YIF1B: variants seen among roughly 807,000 people sequenced by gnomAD.
YIF1B encodes the protein protein YIF1B.
In YIF1B, 24 loss-of-function variants were observed where a neutral mutation model predicts 34.6. The ratio of observed to expected loss-of-function variants is 0.69; its 90% CI spans 0.50 to 0.98. The LOEUF is 0.98. Among genes scored for constraint, YIF1B ranks in the 50% least tolerant of loss-of-function variants. The pLI is 0.00. For missense variants in YIF1B, 368 were observed against 429.4 expected (o/e 0.86, Z 1.26); for synonymous variants, 186 against 184.8 (o/e 1.01, Z -0.05).
At chr19:38,321,417 G>T (rs982028567), upstream of YIF1B, among the ~76,000 whole-genome samples, 2 of 152,156 alleles carry the variant, frequency 1.3e-5, no homozygotes, top group Non-Finnish European at 2.9e-5. Context: ...TCCCAATAGG[G>T]ACACCACCTG....
chr19:38,306,974 C>A (rs1774533829), intron 7 of YIF1B: 2 of 472,008 alleles, frequency 4.2e-6, no homozygotes, highest in African/African-American at 2.0e-5. Flanking sequence ...AGCCACCGCG[C>A]CCGGCAAAAG....
Position 38,309,644 on chromosome 19 carries a change from C to A in YIF1B, c.59-1G>T. The A allele has an allele frequency of 6.3e-7, 1 of 1,596,882 alleles. No individual in the cohort carries two copies. The highest frequency in any genetic ancestry group is 2.3e-5 in the East Asian group (1 of 44,406). ...GACACAGGGATCCTCCGCTTCGAGGCTGCAAGGGAAGAGAGTGAGAAGGAG... is the reference window on the plus strand; with the variant it reads ...GACACAGGGATCCTCCGCTTCGAGGATGCAAGGGAAGAGAGTGAGAAGGAG... On this transcript the variant is annotated splice_acceptor_variant, in intron 1 of 7. Coordinates refer to ENST00000339413, the MANE Select transcript of YIF1B (RefSeq NM_001039672.3). LOFTEE classifies it high-confidence loss of function.
rs1379946379 is a variant in YIF1B, at chr19:38,305,752, T to C, written c.790-245A>G. On this transcript the variant is annotated intron_variant, in intron 7 of 7. Transcript: ENST00000339413. ...AATCTGAGAAGGTTCCATACTCAAATGCCAGGCAAGGTCTTGGAGCGGGTG... is the reference window on the plus strand; with the variant it reads ...AATCTGAGAAGGTTCCATACTCAAACGCCAGGCAAGGTCTTGGAGCGGGTG... Among the ~76,000 whole-genome samples, 8 of 152,184 alleles carry C rather than the reference T, an allele frequency of 5.3e-5. No individual in the cohort carries two copies. In the South Asian group the frequency reaches 6.2e-4, roughly 12 times the overall value.
At position 38,304,911 on chromosome 19, in the gene YIF1B, AAGAAGG is replaced by A. The variant is rs760138019; in HGVS notation, c.*435_*440del. ...CAAGGCCAAGAAGCCCAAAGTGAAG[AAGAAGG>A]AGAAGGGCAAGAAGGAGAAGGGCAA... On this transcript the variant is annotated 3_prime_UTR_variant, in exon 8 of 8. Coordinates refer to ENST00000339413, the MANE Select transcript of YIF1B (RefSeq NM_001039672.3). 19 of 1,595,012 alleles carry A rather than the reference AAGAAGG, an allele frequency of 1.2e-5. No homozygotes were observed. The highest frequency in any genetic ancestry group is 1.1e-4 in the South Asian group (10 of 89,888).
At chr19:38,309,982 A>ATCCACCCC (rs1969250711) in intron 1 of YIF1B, 5 of 455,020 alleles carry the variant, frequency 1.1e-5, no homozygotes, top group Middle Eastern at 6.5e-4. Flanking sequence ...CCATTCATCC[A>ATCCACCCC]TCCATCCATC....
At chr19:38,308,070 C>T (rs1427479215) in intron 5 of YIF1B, among the ~76,000 whole-genome samples, 1 of 152,192 alleles carries the variant, frequency 6.6e-6, no homozygotes, top group African/African-American at 2.4e-5. Flanking sequence ...GGGACAAAGC[C>T]CTTGGCCTCT....
chr19:38,304,036 A>G lies in YIF1B; in HGVS notation c.*1316T>C. 1.6e-6 allele frequency: 1 copy of G among 611,374 alleles called. No homozygotes were observed. Among genetic ancestry groups the G allele is most frequent in the Non-Finnish European group, 2.9e-6 (1 of 350,408 alleles). 37.9% of individuals were successfully genotyped at this position (611,374 alleles called of 1,614,324 possible). A position where few individuals can be genotyped will look rare whatever the true frequency, so the allele number is the denominator to read the frequency against. ...AGCCCCCCTCAGTCGGCCTCCCCTG[A>G]GGCACCAAGGCTGGCGGAAGCAGTC... On this transcript the variant is annotated 3_prime_UTR_variant, in exon 8 of 8. Transcript: ENST00000339413.
chr19:38,303,783 C>T lies in YIF1B; in HGVS notation c.*1569G>A, dbSNP rs536849619. 1.2e-4 allele frequency among the ~76,000 whole-genome samples: 19 copies of T among 152,308 alleles called. No homozygotes were observed. In the South Asian group the frequency reaches 3.9e-3, roughly 32 times the overall value. On this transcript the variant is annotated 3_prime_UTR_variant, in exon 8 of 8. Transcript: ENST00000339413. ...TGGCATCTAGTGCAGCAGGCTGGCT[C>T]CAAGTCTATGCCCCTCACCCCTCAG...
At chr19:38,307,063 A>T (rs932257485) in intron 7 of YIF1B, 8 of 493,666 alleles carry the variant, frequency 1.6e-5, no homozygotes, top group Admixed American at 7.1e-5. Flanking sequence ...TGCAGACCCC[A>T]GTGCTCTTCA....
intron 5 of YIF1B, 31 bp downstream of exon 5, chr19:38,308,761 C>T (rs1469852535): frequency 3.1e-6 from 5 of 1,613,712 alleles, no homozygotes; most frequent in Non-Finnish European, 4.2e-6. Flanking sequence ...CCAAACCCCA[C>T]CTTATTCGGC....
upstream of YIF1B, among the ~76,000 whole-genome samples, chr19:38,316,217 G>T (rs1322045207): frequency 6.6e-6 from 1 of 152,192 alleles, no homozygotes; most frequent in Non-Finnish European, 1.5e-5. Context: ...GACAGAAAAT[G>T]AGTGTCTGCC....
chr19:38,319,281 GC>G (rs1480422414), upstream of YIF1B, among the ~76,000 whole-genome samples: 1 of 152,090 alleles, frequency 6.6e-6, no homozygotes, highest in East Asian at 1.9e-4. Flanking sequence ...TAGACTGGGA[GC>G]CCCATGAATG....
In YIF1B at chr19:38,309,229, G is replaced by T. The variant is rs151115343; in HGVS notation, c.397C>A (p.His133Asn). 6.2e-7 allele frequency: 1 copy of T among 1,613,972 alleles called. No homozygotes were observed. Among genetic ancestry groups the T allele is most frequent in the African/African-American group, 1.3e-5 (1 of 75,042 alleles). Residue 133 changes from histidine (H) to asparagine (N), a missense_variant, in exon 3 of 8, where the codon CAC (histidine) becomes AAC (asparagine). Coordinates refer to ENST00000339413, the MANE Select transcript of YIF1B (RefSeq NM_001039672.3). Reference sequence around the variant, plus strand: ...ATTCCCCTGGGGGTGCTGACCTGGTGTAGGTAGGGGAAGAACAGCAGGCCC... The same window carrying T: ...ATTCCCCTGGGGGTGCTGACCTGGTTTAGGTAGGGGAAGAACAGCAGGCCC... ...KLGLLFFPYL[H>N]QDWEVQYQQD... is the part of the protein sequence containing the mutation.
intron 1 of YIF1B, chr19:38,309,925 C>T (rs1179432938): frequency 7.0e-6 from 7 of 1,007,050 alleles, no homozygotes; most frequent in Admixed American, 7.0e-5. Flanking sequence ...CCCTCCCACT[C>T]ACCCACCCAT....
intron 1 of YIF1B, chr19:38,315,640 A>G: frequency 6.4e-7 from 1 of 1,557,804 alleles, no homozygotes; most frequent in South Asian, 1.2e-5. Context: ...TTCTCTGCAT[A>G]TCGCACGCTA....
rs1969199052 is a variant in YIF1B, at chr19:38,309,158, A to T, written c.402+66T>A. On this transcript the variant is annotated intron_variant, in intron 3 of 7. Transcript: ENST00000339413. ...GGCGAATCTCCCGGCTCCACCATGCACCTGCCCCCACCCCTGAGCCCCCCA... is the reference window on the plus strand; with the variant it reads ...GGCGAATCTCCCGGCTCCACCATGCTCCTGCCCCCACCCCTGAGCCCCCCA... 6 of 1,590,164 alleles carry T rather than the reference A, an allele frequency of 3.8e-6. No homozygotes were observed. In the South Asian group the frequency reaches 6.8e-5, roughly 18 times the overall value.
At chr19:38,315,349 C>G (rs886921260) in intron 1 of YIF1B, 1 of 1,082,350 alleles carries the variant, frequency 9.2e-7, no homozygotes, top group Non-Finnish European at 1.1e-6. Flanking sequence ...ACATCTCCAT[C>G]CCAACACAGG....
upstream of YIF1B, among the ~76,000 whole-genome samples, chr19:38,316,468 G>C (rs1341644919): frequency 6.6e-6 from 1 of 152,116 alleles, no homozygotes; most frequent in South Asian, 2.1e-4. Context: ...GGGCAACAGC[G>C]AGATCTCCAT....
upstream of YIF1B, among the ~76,000 whole-genome samples, chr19:38,316,695 A>G (rs1456949256): frequency 3.3e-5 from 5 of 152,060 alleles, no homozygotes; most frequent in African/African-American, 4.8e-5. Context: ...ATTAAAGTAA[A>G]TATTTATTTA....
Sources: gnomAD v4.1 joint callset for allele counts (sites outside exome capture counted in the v4.1 genomes callset) on GRCh38, gnomAD v4.1.1 for gene constraint, MANE v1.5 for transcripts, NCBI Gene and HGNC (gene_info 2026-07-23, HGNC 2026-07-21) for gene names.